Variants in ART3 observed in about 807,000 individuals in gnomAD.
The protein encoded by ART3 is ADP-ribosyltransferase 3 (inactive), also known as ecto-ADP-ribosyltransferase 3.
ART3 carries 49 observed loss-of-function variants against 48.5 expected under a neutral mutation model. That is an observed-to-expected ratio of 1.01 (90% CI 0.80 to 1.28). The LOEUF (loss-of-function observed/expected upper bound fraction) is 1.28, where lower values mean the gene tolerates loss of function less well. Ranked by LOEUF, ART3 falls within the 50% of genes most tolerant of loss-of-function variation. The probability of loss-of-function intolerance (pLI) is 0.00; values close to 1 mark genes in which losing one functional copy is unlikely to be tolerated. For missense variants in ART3, 438 were observed against 454.3 expected, an observed-to-expected ratio of 0.96 and a Z score of 0.33; for synonymous variants, 145 against 157.2, an observed-to-expected ratio of 0.92 and a Z score of 0.58.
chr4:76,075,839 T>C, intron 1 of ART3, 42 bp from the exon 2 acceptor site: 1 of 1,513,892 alleles, frequency 6.6e-7, no homozygotes, highest in Non-Finnish European at 9.1e-7. Context: ...CTACACCTCT[T>C]TTTTGAGTCT....
At chr4:76,040,184 G>T (rs1407081949) in intron 1 of ART3, among the ~76,000 whole-genome samples, 9 of 152,090 alleles carry the variant, frequency 5.9e-5, no homozygotes, top group African/African-American at 2.2e-4. Flanking sequence ...AATCAGCTGG[G>T]TATGGTGGCG....
At chr4:76,103,284 G>A (rs970922953) in intron 8 of ART3, among the ~76,000 whole-genome samples, 1 of 152,020 alleles carries the variant, frequency 6.6e-6, no homozygotes, top group East Asian at 1.9e-4. Flanking sequence ...GGGAGGCGTA[G>A]GCAGGAGAAT....
chr4:76,016,780 A>G (rs143427410), intron 1 of ART3, among the ~76,000 whole-genome samples: 2 of 152,268 alleles, frequency 1.3e-5, no homozygotes, highest in African/African-American at 2.4e-5. Context: ...CTGGCACTCA[A>G]TCTATGAGAC....
intron 1 of ART3, among the ~76,000 whole-genome samples, chr4:76,027,342 G>C (rs1419563946): frequency 6.6e-6 from 1 of 152,196 alleles, no homozygotes; most frequent in African/African-American, 2.4e-5. Context: ...ATAGGAGACT[G>C]TACTCATTAA....
chr4:76,046,977 C>T (rs1735568849), intron 1 of ART3, among the ~76,000 whole-genome samples: 1 of 94,194 alleles, frequency 1.1e-5, no homozygotes, highest in African/African-American at 4.1e-5. Flanking sequence ...ACCCGGGGCT[C>T]AGTGAGGGTG....
chr4:76,036,762 G>T, intron 1 of ART3: 1 of 243,780 alleles, frequency 4.1e-6, no homozygotes, highest in Non-Finnish European at 8.9e-6. Context: ...AGTCCTTCTT[G>T]GCAGCTGCTT....
At chr4:76,066,810 C>T (rs1462241317) in intron 1 of ART3, among the ~76,000 whole-genome samples, 4 of 152,178 alleles carry the variant, frequency 2.6e-5, no homozygotes, top group Non-Finnish European at 5.9e-5. Flanking sequence ...GGGACTCTGC[C>T]TCCTACTACT....
chr4:76,063,584 A>G (rs549992143), intron 1 of ART3, among the ~76,000 whole-genome samples: 11 of 152,342 alleles, frequency 7.2e-5, no homozygotes, highest in South Asian at 2.1e-4. Context: ...ATGGACTTAC[A>G]ATAAGGTCTC....
intron 3 of ART3, among the ~76,000 whole-genome samples, chr4:76,093,133 T>C (rs1725275181): frequency 6.6e-6 from 1 of 152,054 alleles, no homozygotes; most frequent in Admixed American, 6.6e-5. Context: ...AGAAACAGCA[T>C]GTTGATGGCC....
intron 10 of ART3, among the ~76,000 whole-genome samples, chr4:76,104,853 G>A (rs765029959): frequency 6.6e-6 from 1 of 152,188 alleles, no homozygotes; most frequent in African/African-American, 2.4e-5. Flanking sequence ...CTGAGTTCAT[G>A]TAGTACTTTG....
chr4:76,022,610 TC>T (rs1385436270), intron 1 of ART3: 34 of 1,452,600 alleles, frequency 2.3e-5, no homozygotes, highest in Middle Eastern at 1.9e-4. Context: ...CCTTTACTGA[TC>T]TTTTTTTATT....
At chr4:76,112,072 A>G (rs111411593) in intron 11 of ART3, 2,545 of 239,794 alleles carry the variant, frequency 0.011, 69 homozygotes, top group African/African-American at 0.055. Flanking sequence ...AACAATTTCT[A>G]TTATCAGTAA....
chr4:76,082,242 GAAC>G lies in ART3; in HGVS notation c.491_493del (p.Thr164del), dbSNP rs759647236. On this transcript the variant is annotated inframe_deletion, in exon 3 of 12. Transcript: ENST00000355810. ...GCCAGTTCCAAAACTGTGGTATATA[GAAC>G]AAGCCAGGGCACTTCATTTACATTT... 6.2e-7 allele frequency: 1 copy of G among 1,614,168 alleles called. No individual in the cohort carries two copies. The highest frequency in any genetic ancestry group is 1.7e-5 in the Admixed American group (1 of 60,018).
At chr4:76,111,539 C>A (rs113291951) in intron 11 of ART3, among the ~76,000 whole-genome samples, 1 of 131,072 alleles carries the variant, frequency 7.6e-6, no homozygotes, top group East Asian at 2.6e-4. Flanking sequence ...TGTAAAAATA[C>A]AGTTTATTTA....
At chr4:76,035,459 C>T in intron 1 of ART3, 2 of 1,000,930 alleles carry the variant, frequency 2.0e-6, no homozygotes, top group East Asian at 2.6e-5. Context: ...AGTAATTTGT[C>T]AAATAGCACT....
intron 1 of ART3, among the ~76,000 whole-genome samples, chr4:76,049,372 G>A (rs1578321161): frequency 6.6e-6 from 1 of 151,858 alleles, no homozygotes; most frequent in East Asian, 1.9e-4. Flanking sequence ...TGGGCGACAT[G>A]CTTTTGAGAG....
upstream of ART3, among the ~76,000 whole-genome samples, chr4:76,074,008 G>T (rs1720602118): frequency 6.6e-6 from 1 of 152,078 alleles, no homozygotes; most frequent in African/African-American, 2.4e-5. Context: ...AATGTATTTT[G>T]GTGTATGTAT....
intron 1 of ART3, among the ~76,000 whole-genome samples, chr4:76,040,542 T>C: frequency 1.1e-5 from 1 of 89,508 alleles, no homozygotes; most frequent in Non-Finnish European, 2.0e-5. Context: ...CCTCCATGTG[T>C]CAGGGACTAT....
chr4:76,021,808 G>T (rs999975208), intron 1 of ART3: 2 of 972,668 alleles, frequency 2.1e-6, no homozygotes, highest in Non-Finnish European at 3.3e-6. Flanking sequence ...ACCTTTTAGT[G>T]TAACTGCAAA....
Sources: allele counts gnomAD v4.1 joint callset (sites outside exome capture counted in the v4.1 genomes callset), GRCh38; gene constraint gnomAD v4.1.1; transcripts MANE v1.5; gene names NCBI Gene and HGNC (gene_info 2026-07-23, HGNC 2026-07-21).